Variants in CTBP1 observed in about 807,000 individuals in gnomAD.
CTBP1 encodes the protein C-terminal-binding protein 1.
Under a neutral mutation model 42.1 loss-of-function variants are expected in CTBP1, and 11 were observed. The observed-to-expected ratio is 0.26, with a 90% confidence interval of 0.16 to 0.43. The LOEUF (loss-of-function observed/expected upper bound fraction) is 0.43. Among genes scored for constraint, CTBP1 ranks in the 20% least tolerant of loss-of-function variants. CTBP1 has a pLI of 1.00. For missense variants in CTBP1, 399 were observed against 624.3 expected (o/e 0.64, Z 3.85); for synonymous variants, 324 against 277.1 (o/e 1.17, Z -1.68).
chr4:1,242,910 T>TGCCAGCCGATACTCATCAAC (rs1355542896), intron 1 of CTBP1: 42 of 985,046 alleles, frequency 4.3e-5, no homozygotes, highest in African/African-American at 5.2e-5. Flanking sequence ...AACTCATCAA[T>TGCCAGCCGATACTCATCAAC]GCCAGCCGAT....
chr4:1,240,762 C>G (rs1732092080), intron 2 of CTBP1, among the ~76,000 whole-genome samples: 1 of 152,172 alleles, frequency 6.6e-6, no homozygotes, highest in South Asian at 2.1e-4. Flanking sequence ...CTGCCCCTGA[C>G]CACCGTGCCA....
intron 5 of CTBP1, among the ~76,000 whole-genome samples, chr4:1,224,046 C>A (rs916655838): frequency 6.6e-6 from 1 of 152,206 alleles, no homozygotes; most frequent in African/African-American, 2.4e-5. Context: ...ACGGAGGAAG[C>A]CCACGGCTGC....
chr4:1,225,857 G>A (rs972496840), intron 4 of CTBP1, among the ~76,000 whole-genome samples: 4 of 151,882 alleles, frequency 2.6e-5, no homozygotes, highest in African/African-American at 4.8e-5. Flanking sequence ...GACCCCTCCC[G>A]ACTCAGCGCT....
chr4:1,244,284 C>T (rs140107397), intron 1 of CTBP1: 188 of 984,680 alleles, frequency 1.9e-4, no homozygotes, highest in Non-Finnish European at 2.1e-4. Flanking sequence ...CGGGTTGCCC[C>T]GGCACACTGG....
Position 1,238,838 on chromosome 4 carries a change from CCAGGG to C in CTBP1, c.8-506_8-502del, listed in dbSNP as rs1360560585. Among the ~76,000 whole-genome samples, 1 of 151,724 alleles carries C rather than the reference CCAGGG, an allele frequency of 6.6e-6. No homozygotes were observed. ...AGACCCTCCCAGACCGTCCGAGACC[CCAGGG>C]CAGCTCCATGAGGCAGGGGGACAGG... On this transcript the variant is annotated intron_variant, in intron 2 of 9. Coordinates refer to ENST00000382952, the MANE Select transcript of CTBP1 (RefSeq NM_001012614.2). The surrounding 1 kb of genome is among the most constrained non-coding windows in gnomAD (Gnocchi z 5.9).
chr4:1,230,475 C>A (rs890692070), intron 3 of CTBP1, among the ~76,000 whole-genome samples: 1 of 152,154 alleles, frequency 6.6e-6, no homozygotes, highest in African/African-American at 2.4e-5. Context: ...TGGGCAGAGG[C>A]GCAGTGGGAG....
Position 1,213,517 on chromosome 4 carries a change from G to T in CTBP1, c.949C>A (p.Arg317=), listed in dbSNP as rs1394054108. 1.2e-6 allele frequency: 2 copies of T among 1,612,786 alleles called. No individual in the cohort carries two copies. The highest frequency in any genetic ancestry group is 1.7e-6 in the Non-Finnish European group (2 of 1,179,898). ...CGGATCTCCCGTGCCGCCTCCTCTC[G>T]CATCTCGATGGATGCCTGCTCGCTG... ...WYSEQASIEM[R]EEAAREIRRA... is the part of the protein sequence containing the mutation. The change falls in exon 8 of 10, where the codon CGA becomes AGA. Residue 317 remains arginine, a synonymous_variant. Transcript: ENST00000382952.
chr4:1,237,489 C>T, intron 3 of CTBP1: 2 of 682,820 alleles, frequency 2.9e-6, no homozygotes, highest in Non-Finnish European at 5.3e-6. Flanking sequence ...TGATGGTGTG[C>T]AGGGAAAACC....
chr4:1,225,260 C>T, intron 5 of CTBP1, 100 bp downstream of exon 5: 1 of 1,376,360 alleles, frequency 7.3e-7, no homozygotes, highest in Non-Finnish European at 9.7e-7. Flanking sequence ...ACACCTGCAG[C>T]AGCCCCACCC....
At chr4:1,213,376 T>C in intron 8 of CTBP1, 102 bp downstream of exon 8, 3 of 1,559,090 alleles carry the variant, frequency 1.9e-6, no homozygotes, top group Non-Finnish European at 2.6e-6. Context: ...GGCCCTGAGC[T>C]GGCAGAACAT....
intron 4 of CTBP1, among the ~76,000 whole-genome samples, 200 bp from the exon 5 acceptor site, chr4:1,225,766 C>T (rs1195933190): frequency 1.3e-5 from 2 of 152,168 alleles, no homozygotes; most frequent in East Asian, 3.8e-4. Context: ...AGGAGCCCCA[C>T]CTCCACTTTA....
intron 7 of CTBP1, chr4:1,214,030 A>G (rs150081184): frequency 2.1e-3 from 929 of 434,212 alleles, no homozygotes; most frequent in Non-Finnish European, 3.4e-3. Flanking sequence ...ACGGGATGCC[A>G]TGACTCCATG....
rs549961795 is a variant in CTBP1, at chr4:1,226,338, G to A, written c.308-772C>T. Among the ~76,000 whole-genome samples, 122 of 152,176 alleles carry A rather than the reference G, an allele frequency of 8.0e-4. 1 individual carries two copies. Among genetic ancestry groups the A allele is most frequent in the African/African-American group, 2.7e-3 (113 of 41,504 alleles). ...CATTCCTGTGTCCGACTGGCCATCC[G>A]TCTCCCTGGGGAGGAGGAGGGGGCA... On this transcript the variant is annotated intron_variant, in intron 4 of 9. Coordinates refer to ENST00000382952, the MANE Select transcript of CTBP1 (RefSeq NM_001012614.2).
rs543008984 is a variant in CTBP1, at chr4:1,241,175, G to C, written c.7+150C>G. ...CTCGAGGGGCACCTGACCTCGCCCA[G>C]AGCACACCGGGGGTCAGGTGGCAGC... On this transcript the variant is annotated intron_variant, in intron 2 of 9. Coordinates refer to ENST00000382952, the MANE Select transcript of CTBP1 (RefSeq NM_001012614.2). The C allele has an allele frequency of 6.5e-4, 482 of 744,104 alleles. 14 individuals are homozygous for C. The highest frequency in any genetic ancestry group is 6.0e-3 in the South Asian group (423 of 71,000). 46.1% of individuals were successfully genotyped at this position (744,104 alleles called of 1,614,324 possible). A position where few individuals can be genotyped will look rare whatever the true frequency, so the allele number is the denominator to read the frequency against.
At chr4:1,236,880 C>T (rs1731565682) in intron 3 of CTBP1, 1 of 648,534 alleles carries the variant, frequency 1.5e-6, no homozygotes, top group African/African-American at 1.9e-5. Flanking sequence ...TCAGGGCAAA[C>T]CGAATGTCCA....
intron 6 of CTBP1, chr4:1,215,717 A>C (rs1196785865): frequency 7.9e-6 from 4 of 507,076 alleles, no homozygotes; most frequent in African/African-American, 1.9e-5. Context: ...CCACTGTGAC[A>C]ACAGCAAGGG....
chr4:1,229,920 G>A (rs1730781312), intron 3 of CTBP1, among the ~76,000 whole-genome samples: 1 of 152,208 alleles, frequency 6.6e-6, no homozygotes, highest in Non-Finnish European at 1.5e-5. Context: ...CAGCAGGGGA[G>A]GGGAGCCCTG....
At chr4:1,226,758 C>T (rs1730393332) in intron 4 of CTBP1, among the ~76,000 whole-genome samples, 1 of 151,844 alleles carries the variant, frequency 6.6e-6, no homozygotes, top group Non-Finnish European at 1.5e-5. Context: ...GCAGCCGGCC[C>T]TTCCTGGGAC....
At chr4:1,215,953 C>T in intron 6 of CTBP1, 38 bp downstream of exon 6, 1 of 1,569,020 alleles carries the variant, frequency 6.4e-7, no homozygotes, top group Admixed American at 1.9e-5. Context: ...TGTACCTGCC[C>T]CGCAGAAGTA....
Sources: gnomAD v4.1 joint callset for allele counts (sites outside exome capture counted in the v4.1 genomes callset) on GRCh38, gnomAD v4.1.1 for gene constraint, Gnocchi (gnomAD v3.1) non-coding constraint, MANE v1.5 for transcripts, NCBI Gene and HGNC (gene_info 2026-07-23, HGNC 2026-07-21) for gene names.